The following CAST variants were observed in gnomAD, a reference collection of about 807,000 sequenced individuals.
CAST encodes MIR583 host.
Under a neutral mutation model 119.6 loss-of-function variants are expected in CAST, and 76 were observed. The ratio of observed to expected loss-of-function variants is 0.64; its 90% CI spans 0.53 to 0.77. The LOEUF is 0.77. Ranked by LOEUF, CAST falls within the 30% of genes least tolerant of loss-of-function variation. The pLI, the probability that CAST is intolerant of heterozygous loss-of-function variation, is 0.00. For synonymous variants in CAST, 319 were observed against 331.6 expected, an observed-to-expected ratio of 0.96 and a Z score of 0.41; for missense variants, 953 against 946.5, an observed-to-expected ratio of 1.01 and a Z score of -0.09.
the CAST span, among the ~76,000 whole-genome samples, chr5:96,462,205 A>T: frequency 6.6e-6 from 1 of 152,044 alleles, no homozygotes. Context: ...TGCTTTCTTA[A>T]TTGATTGCTT....
At chr5:96,151,177 C>T in the CAST span, among the ~76,000 whole-genome samples, 1 of 152,124 alleles carries the variant, frequency 6.6e-6, no homozygotes. Context: ...AGCTATGGGA[C>T]TGGTGGAGAT....
chr5:96,085,617 T>C, the CAST span, among the ~76,000 whole-genome samples: 1 of 152,200 alleles, frequency 6.6e-6, no homozygotes, highest in African/African-American at 2.4e-5. Flanking sequence ...AACTGTCACA[T>C]TCCTAAATTA....
the CAST span, among the ~76,000 whole-genome samples, chr5:96,403,701 A>T: frequency 6.6e-6 from 1 of 152,244 alleles, no homozygotes; most frequent in African/African-American, 2.4e-5. Context: ...TAATTTGGAG[A>T]CAAAATTCCA....
chr5:96,716,321 C>T (rs571583184), intron 3 of CAST, among the ~76,000 whole-genome samples: 3 of 152,278 alleles, frequency 2.0e-5, no homozygotes, highest in African/African-American at 4.8e-5. Context: ...ACAGTCATAA[C>T]GTAAATGACC....
chr5:96,561,304 A>G (rs1259480757), intron 1 of CAST, among the ~76,000 whole-genome samples: 2 of 151,930 alleles, frequency 1.3e-5, no homozygotes, highest in African/African-American at 4.8e-5. Context: ...ATGTATACAT[A>G]TGTAACAAAC....
intron 2 of CAST, among the ~76,000 whole-genome samples, chr5:96,688,074 A>T (rs1752284405): frequency 6.6e-6 from 1 of 152,242 alleles, no homozygotes; most frequent in South Asian, 2.1e-4. Flanking sequence ...AAAGTAGGTA[A>T]TTCCTTGCTG....
chr5:96,358,985 G>A, the CAST span, among the ~76,000 whole-genome samples: 1 of 152,108 alleles, frequency 6.6e-6, no homozygotes, highest in Admixed American at 6.5e-5. Context: ...CTCTTTGTAG[G>A]TGTTTAAGAA....
chr5:96,536,004 TAAATAACCATA>T (rs1745804472), intron 1 of CAST, among the ~76,000 whole-genome samples: 1 of 151,500 alleles, frequency 6.6e-6, no homozygotes, highest in African/African-American at 2.4e-5. Context: ...AACTATATGT[TAAATAACCATA>T]TGTTAAATAT....
At chr5:96,496,467 A>G in the CAST span, among the ~76,000 whole-genome samples, 2 of 152,228 alleles carry the variant, frequency 1.3e-5, no homozygotes, top group Non-Finnish European at 2.9e-5. Context: ...AGAGACATTA[A>G]CAGTTCCTGA....
At chr5:96,100,682 G>A in the CAST span, among the ~76,000 whole-genome samples, 1 of 152,086 alleles carries the variant, frequency 6.6e-6, no homozygotes, top group African/African-American at 2.4e-5. Context: ...TTCTTCATCT[G>A]TAAGGCAAAG....
At chr5:96,447,835 A>G in the CAST span, among the ~76,000 whole-genome samples, 2 of 152,054 alleles carry the variant, frequency 1.3e-5, no homozygotes, top group Non-Finnish European at 2.9e-5. Context: ...TGACATTCTA[A>G]TTAAATTGGC....
At chr5:96,644,870 G>C (rs1025216859) in intron 1 of CAST, among the ~76,000 whole-genome samples, 1 of 152,172 alleles carries the variant, frequency 6.6e-6, no homozygotes, top group Non-Finnish European at 1.5e-5. Flanking sequence ...CAGCTACTCA[G>C]GAGGCTGAGG....
chr5:96,248,073 CT>C, the CAST span: 1 of 152,236 alleles, frequency 6.6e-6, no homozygotes, highest in Non-Finnish European at 1.5e-5. Flanking sequence ...TTCATCTTGG[CT>C]TTCTGCTTTT....
the CAST span, among the ~76,000 whole-genome samples, chr5:96,224,486 T>C: frequency 2.0e-5 from 3 of 151,896 alleles, no homozygotes; most frequent in Non-Finnish European, 4.4e-5. Flanking sequence ...TCTTTAAGAG[T>C]GAGGCAGAGG....
chr5:96,695,971 G>A lies in CAST; in HGVS notation c.210+64G>A. The stretch of plus-strand genomic sequence containing the variant: ...TTCTACAGGGATATGATTAGTGGGT[G>A]GGGCCTGTAGGAATGGCAAACAGTG... On this transcript the variant is annotated intron_variant, in intron 3 of 31. Transcript: ENST00000675179. 8 of 1,069,102 alleles carry A rather than the reference G, an allele frequency of 7.5e-6. No individual in the cohort carries two copies. In the South Asian group the frequency reaches 1.2e-4, roughly 16 times the overall value. 66.2% of individuals were successfully genotyped at this position (1,069,102 alleles called of 1,614,324 possible).
At chr5:96,428,330 C>A in the CAST span, among the ~76,000 whole-genome samples, 1 of 152,102 alleles carries the variant, frequency 6.6e-6, no homozygotes, top group African/African-American at 2.4e-5. Context: ...TTCTAATTCT[C>A]CAGGTTGTCC....
At chr5:96,261,178 C>T in the CAST span, among the ~76,000 whole-genome samples, 2 of 152,134 alleles carry the variant, frequency 1.3e-5, no homozygotes, top group Non-Finnish European at 2.9e-5. Context: ...TTTAAGCAGG[C>T]TCTAGTGGTA....
chr5:96,521,352 C>T (rs1299786784), upstream of CAST, among the ~76,000 whole-genome samples: 11 of 152,334 alleles, frequency 7.2e-5, no homozygotes, highest in Middle Eastern at 3.4e-3. Context: ...TCCTTCTGGC[C>T]TCACCTTACC....
At chr5:96,210,744 G>A in the CAST span, among the ~76,000 whole-genome samples, 4 of 151,922 alleles carry the variant, frequency 2.6e-5, no homozygotes, top group Non-Finnish European at 5.9e-5. Flanking sequence ...AAAGGAATTG[G>A]ATTAAACCTA....
Sources: gnomAD v4.1 joint callset for allele counts (sites outside exome capture counted in the v4.1 genomes callset) on GRCh38, gnomAD v4.1.1 for gene constraint, MANE v1.5 for transcripts, NCBI Gene and HGNC (gene_info 2026-07-23, HGNC 2026-07-21) for gene names.